The following ESPN variants were observed in gnomAD, a reference collection of about 807,000 sequenced individuals.
ESPN encodes espin.
A neutral mutation model predicts 77.7 loss-of-function variants in ESPN; 68 were observed. The ratio of observed to expected loss-of-function variants is 0.87; its 90% confidence interval spans 0.72 to 1.07. The LOEUF (loss-of-function observed/expected upper bound fraction) is 1.07. ESPN is among the 50% of genes least tolerant of loss of function. The probability of loss-of-function intolerance (pLI) is 0.00; values close to 1 mark genes in which losing one functional copy is unlikely to be tolerated. For synonymous variants in ESPN, 449 were observed against 567.1 expected (o/e 0.79, Z 2.96); for missense variants, 1,060 against 1,239.0 (o/e 0.86, Z 2.17).
At position 6,427,860 on chromosome 1, in the gene ESPN, T is replaced by A. The variant is rs1393539805; in HGVS notation, c.295-366T>A. On this transcript the variant is annotated intron_variant, in intron 1 of 12. Transcript: ENST00000645284. This position sits in a 1 kb window ranked among gnomAD's most constrained non-coding sequence, Gnocchi z 4.6. ...AACCCTGTGTCACTCCTTCAGGCAT[T>A]CCCTGAGTCCCTGGGAGTCAGGGCT... 1.3e-5 allele frequency among the ~76,000 whole-genome samples: 2 copies of A among 152,206 alleles called. No individual in the cohort carries two copies. Among genetic ancestry groups the A allele is most frequent in the African/African-American group, 4.8e-5 (2 of 41,458 alleles).
chr1:6,457,457 T>G, intron 12 of ESPN, 85 bp downstream of exon 12: 56 of 1,478,472 alleles, frequency 3.8e-5, no homozygotes, highest in Non-Finnish European at 4.5e-5. Flanking sequence ...CCAATTTGAG[T>G]ACATCCTCCT....
At position 6,454,102 on chromosome 1, in the gene ESPN, C is replaced by T. The variant is rs1342522334; in HGVS notation, c.2325+2006C>T. ...CGCGCCTCTCAGCTTCAACGCCTTT[C>T]GCAAGTTCCTTGGGTGGTGTAATGA... On this transcript the variant is annotated intron_variant, in intron 10 of 12. Coordinates refer to ENST00000645284, the MANE Select transcript of ESPN (RefSeq NM_031475.3). Among the ~76,000 whole-genome samples the T allele has an allele frequency of 3.3e-5, 5 of 152,208 alleles. No homozygotes were observed. The South Asian group carries it at 6.2e-4, about 19-fold the overall frequency.
At chr1:6,443,829 C>T (rs1464601046) in intron 5 of ESPN, among the ~76,000 whole-genome samples, 1 of 152,108 alleles carries the variant, frequency 6.6e-6, no homozygotes, top group African/African-American at 2.4e-5. Flanking sequence ...GCGGGCTTGC[C>T]GGCAGCAGGG....
chr1:6,448,913 C>T lies in ESPN; in HGVS notation c.1737C>T (p.Asn579=). 1 of 1,380,924 alleles carries T rather than the reference C, an allele frequency of 7.2e-7. No individual in the cohort carries two copies. Among genetic ancestry groups the T allele is most frequent in the South Asian group, 1.6e-5 (1 of 61,296 alleles). The allele number at this position is 1,380,924 out of a possible 1,614,324, so 85.5% of individuals were successfully genotyped here. Residue 579 remains asparagine, a synonymous_variant, in exon 8 of 13, where the codon AAC becomes AAT. Coordinates refer to ENST00000645284, the MANE Select transcript of ESPN (RefSeq NM_031475.3). Reference sequence around the variant, plus strand: ...CGCAGGCGGCGCTGCTTCCTGGGAACCATGTTCCTAACGGCTGCGCCGCGG... The same window carrying T: ...CGCAGGCGGCGCTGCTTCCTGGGAATCATGTTCCTAACGGCTGCGCCGCGG... ...APPQAALLPG[N]HVPNGCAADP...
chr1:6,456,925 C>T lies in ESPN; in HGVS notation c.2326-259C>T, dbSNP rs566362589. ...GGAATCAGGCTCAGGACCTCTGGGT[C>T]CCAGCTACTTGTTCTCTGCTTCTGT... On this transcript the variant is annotated intron_variant, in intron 10 of 12. Coordinates refer to ENST00000645284, the MANE Select transcript of ESPN (RefSeq NM_031475.3). 6.2e-4 allele frequency among the ~76,000 whole-genome samples: 94 copies of T among 152,348 alleles called. 1 individual carries two copies. The highest frequency in any genetic ancestry group is 2.1e-3 in the African/African-American group (86 of 41,580).
At position 6,447,219 on chromosome 1, in the gene ESPN, C is replaced by T. The variant is rs1354280879; in HGVS notation, c.1464+1284C>T. ...TGCGCCCCTCCCCACTGTGTGCGCC[C>T]CTCCCGGCTATGTGCGTCCATCTCG... On this transcript the variant is annotated intron_variant, in intron 7 of 12. Coordinates refer to ENST00000645284, the MANE Select transcript of ESPN (RefSeq NM_031475.3). This position sits in a 1 kb window ranked among gnomAD's most constrained non-coding sequence, Gnocchi z 5.2. The T allele has an allele frequency of 6.6e-6, 1 of 152,604 alleles. No homozygotes were observed. The highest frequency in any genetic ancestry group is 6.5e-5 in the Admixed American group (1 of 15,282). The allele number at this position is 152,604 out of a possible 1,614,324, so 9.5% of individuals were successfully genotyped here.
chr1:6,456,002 G>A, intron 10 of ESPN: 2 of 398,276 alleles, frequency 5.0e-6, no homozygotes, highest in Non-Finnish European at 8.8e-6. Context: ...TGGCCCCTGC[G>A]CCGCAGCCGC....
intron 10 of ESPN, among the ~76,000 whole-genome samples, chr1:6,456,849 C>G (rs752583011): frequency 3.3e-4 from 51 of 152,302 alleles, no homozygotes; most frequent in Non-Finnish European, 5.9e-4. Flanking sequence ...CTGGCATCTG[C>G]GTCTGCCCAG....
rs1163898638 is a variant in ESPN at position 6,428,168 on chromosome 1, C to T, written c.295-58C>T. On this transcript the variant is annotated intron_variant, in intron 1 of 12. Coordinates refer to ENST00000645284, the MANE Select transcript of ESPN (RefSeq NM_031475.3). The surrounding 1 kb of genome is among the most constrained non-coding windows in gnomAD (Gnocchi z 5.4). ...GGCCTGTGGGAGTCTGGGAGTGGCCCAAGCCAGGGGCGGGGCAGCAACAGG... is the reference window on the plus strand; with the variant it reads ...GGCCTGTGGGAGTCTGGGAGTGGCCTAAGCCAGGGGCGGGGCAGCAACAGG... 1.3e-6 allele frequency: 2 copies of T among 1,594,852 alleles called. No homozygotes were observed. The highest frequency in any genetic ancestry group is 3.3e-5 in the Admixed American group (2 of 59,960).
At chr1:6,440,195 A>G in intron 2 of ESPN, 59 bp from the exon 3 acceptor site, 11 of 1,516,586 alleles carry the variant, frequency 7.3e-6, no homozygotes, top group Non-Finnish European at 9.8e-6. Context: ...GGGGCGGGTA[A>G]GAAGGCCTCG....
chr1:6,453,978 G>A (rs1296638061), intron 10 of ESPN, among the ~76,000 whole-genome samples: 3 of 152,186 alleles, frequency 2.0e-5, no homozygotes, highest in African/African-American at 4.8e-5. Flanking sequence ...TGAGCACAGG[G>A]AGCGGGAAGG....
intron 6 of ESPN, 133 bp from the exon 7 acceptor site, chr1:6,445,531 G>A (rs1438697544): frequency 8.2e-6 from 8 of 972,728 alleles, no homozygotes; most frequent in Middle Eastern, 6.1e-4. Flanking sequence ...AGGGGCCACA[G>A]CAGGTGTACC....
Position 6,440,732 on chromosome 1 carries a change from T to G in ESPN, c.782T>G (p.Leu261Arg), listed in dbSNP as rs772157717. The G allele has an allele frequency of 9.1e-6, 14 of 1,545,110 alleles. No individual in the cohort carries two copies. The highest frequency in any genetic ancestry group is 1.2e-5 in the Non-Finnish European group (14 of 1,154,694). ...ACCAAGGTGCTCAGCTGGCTGCTGC[T>G]GCACGGCGGGGAGATCTCGGCTGAC... ...GHTKVLSWLL[L>R]HGGEISADLW... Residue 261 changes from leucine to arginine, a missense_variant, in exon 4 of 13, where the codon CTG becomes CGG. Around this residue, in one of 3 missense-constraint regions of ESPN, gnomAD observed 556 missense variants for 633.6 expected, o/e 0.88. Transcript: ENST00000645284.
rs1643898214 is a variant in ESPN at position 6,448,907 on chromosome 1, T to C, written c.1731T>C (p.Pro577=). The part of the protein sequence containing the change: ...PSAPPQAALL[P]GNHVPNGCAA... ...CTCCCCCGCAGGCGGCGCTGCTTCCTGGGAACCATGTTCCTAACGGCTGCG... is the reference window on the plus strand; with the variant it reads ...CTCCCCCGCAGGCGGCGCTGCTTCCCGGGAACCATGTTCCTAACGGCTGCG... The change falls in exon 8 of 13, where the codon CCT becomes CCC. Residue 577 remains proline, a synonymous_variant. Transcript: ENST00000645284. The C allele has an allele frequency of 1.5e-6, 2 of 1,368,340 alleles. No homozygotes were observed. The highest frequency in any genetic ancestry group is 1.9e-6 in the Non-Finnish European group (2 of 1,063,872). The allele number at this position is 1,368,340 out of a possible 1,614,324, so 84.8% of individuals were successfully genotyped here. A position where few individuals can be genotyped will look rare whatever the true frequency, so the allele number is the denominator to read the frequency against.
In ESPN at chr1:6,447,807, C is replaced by G. The variant is rs1425926620; in HGVS notation, c.1465-834C>G. Among the ~76,000 whole-genome samples the G allele has an allele frequency of 6.6e-6, 1 of 152,012 alleles. No individual in the cohort carries two copies. Among genetic ancestry groups the G allele is most frequent in the African/African-American group, 2.4e-5 (1 of 41,392 alleles). On this transcript the variant is annotated intron_variant, in intron 7 of 12. Coordinates refer to ENST00000645284, the MANE Select transcript of ESPN (RefSeq NM_031475.3). This position sits in a 1 kb window ranked among gnomAD's most constrained non-coding sequence, Gnocchi z 5.2. ...ACAGTCAGCCCTCTCCCCTCTCGGG[C>G]GGGGATGAAGGTGGGGGCTCAGCTC... is the stretch of plus-strand genomic sequence containing the variant.
Position 6,460,319 on chromosome 1 carries a change from G to A in ESPN, c.*173G>A. 1.3e-6 allele frequency: 1 copy of A among 789,088 alleles called. No homozygotes were observed. The highest frequency in any genetic ancestry group is 2.0e-6 in the Non-Finnish European group (1 of 503,694). The allele number at this position is 789,088 out of a possible 1,614,324, so 48.9% of individuals were successfully genotyped here. On this transcript the variant is annotated 3_prime_UTR_variant, in exon 13 of 13. Coordinates refer to ENST00000645284, the MANE Select transcript of ESPN (RefSeq NM_031475.3). ...CGTATCCCCAGCCCTTGGCAACACT[G>A]GAGTGCACACGCCGCCACGGTTGCC...
Position 6,460,281 on chromosome 1 carries a change from C to T in ESPN, c.*135C>T. The T allele has an allele frequency of 3.5e-6, 4 of 1,147,444 alleles. No homozygotes were observed. The highest frequency in any genetic ancestry group is 3.7e-6 in the Non-Finnish European group (3 of 820,352). 71.1% of individuals were successfully genotyped at this position (1,147,444 alleles called of 1,614,324 possible). ...TGCGCTGGAAACCCTCCCTGACCCC[C>T]ACCCTGGCCCCCCGTATCCCCAGCC... On this transcript the variant is annotated 3_prime_UTR_variant, in exon 13 of 13. Coordinates refer to ENST00000645284, the MANE Select transcript of ESPN (RefSeq NM_031475.3).
rs549848960 is a variant in ESPN, at chr1:6,432,183, G to A, written c.488+3764G>A. 1.7e-3 allele frequency among the ~76,000 whole-genome samples: 252 copies of A among 152,326 alleles called. 1 individual carries two copies. The highest frequency in any genetic ancestry group is 5.6e-3 in the African/African-American group (234 of 41,580). On this transcript the variant is annotated intron_variant, in intron 2 of 12. Transcript: ENST00000645284. ...CTGGGACAGAAAGGGAGTTTCTTGGGAAGCACCAGCAGCTCTCAGCTTAGA... is the reference window on the plus strand; with the variant it reads ...CTGGGACAGAAAGGGAGTTTCTTGGAAAGCACCAGCAGCTCTCAGCTTAGA...
intron 1 of ESPN, among the ~76,000 whole-genome samples, chr1:6,425,677 A>G (rs1345387859): frequency 6.6e-6 from 1 of 152,262 alleles, no homozygotes; most frequent in African/African-American, 2.4e-5. Context: ...GCTGAGATTC[A>G]GGTGTCCCAG....
Sources: allele counts gnomAD v4.1 joint callset (sites outside exome capture counted in the v4.1 genomes callset), GRCh38; gene constraint gnomAD v4.1.1; regional missense constraint gnomAD v4.1.1; non-coding constraint Gnocchi (gnomAD v3.1); transcripts MANE v1.5; gene names NCBI Gene and HGNC (gene_info 2026-07-23, HGNC 2026-07-21).